The following TRAPPC9 variants were observed in gnomAD, a reference collection of about 807,000 sequenced individuals.
The protein encoded by TRAPPC9 is IKK2 binding protein.
TRAPPC9 carries 83 observed loss-of-function variants against 124.0 expected under a neutral mutation model. That is an observed-to-expected ratio of 0.67 (90% CI 0.56 to 0.80). The LOEUF is 0.80. TRAPPC9 is among the 30% of genes least tolerant of loss of function. The probability of loss-of-function intolerance (pLI) is 0.00; values close to 1 mark genes in which losing one functional copy is unlikely to be tolerated. For synonymous variants in TRAPPC9, 638 were observed against 617.5 expected (o/e 1.03, Z -0.49); for missense variants, 1,302 against 1,508.3 (o/e 0.86, Z 2.27).
intron 17 of TRAPPC9, chr8:140,040,761 T>C (rs372113726): frequency 1.3e-5 from 2 of 152,264 alleles, no homozygotes; most frequent in African/African-American, 4.8e-5. Context: ...GGAAGCCAAT[T>C]ATCATGACCT....
intron 9 of TRAPPC9, among the ~76,000 whole-genome samples, chr8:140,346,843 C>T (rs543921269): frequency 3.8e-4 from 58 of 152,334 alleles, no homozygotes; most frequent in African/African-American, 1.2e-3. Flanking sequence ...TCTCCTGCTT[C>T]CTAAAAGTGG....
rs570724960 is a variant in TRAPPC9, at chr8:140,359,025, C to A, written c.1495+1025G>T. Among the ~76,000 whole-genome samples, 8 of 152,304 alleles carry A rather than the reference C, an allele frequency of 5.3e-5. No homozygotes were observed. The South Asian group carries it at 1.7e-3, about 32-fold the overall frequency. On this transcript the variant is annotated intron_variant, in intron 9 of 22. Coordinates refer to ENST00000438773, the MANE Select transcript of TRAPPC9 (RefSeq NM_001160372.4). Reference sequence around the variant, plus strand: ...CTCCTTGCTGAAGAGAACCACATCACCCAGGGTAGACTGCATTCAACTGCT... The same window carrying A: ...CTCCTTGCTGAAGAGAACCACATCAACCAGGGTAGACTGCATTCAACTGCT...
chr8:139,997,438 T>C (rs1192179641), intron 18 of TRAPPC9, among the ~76,000 whole-genome samples: 1 of 146,170 alleles, frequency 6.8e-6, no homozygotes, highest in Non-Finnish European at 1.5e-5. Flanking sequence ...AGGAGAACAA[T>C]GCATCCCACA....
chr8:140,120,551 ACATC>A (rs757012774), intron 17 of TRAPPC9, among the ~76,000 whole-genome samples: 8 of 151,756 alleles, frequency 5.3e-5, no homozygotes, highest in South Asian at 2.1e-4. Context: ...CATCTATCCA[ACATC>A]CATCCATCCA....
intron 13 of TRAPPC9, 123 bp downstream of exon 13, chr8:140,287,485 G>T (rs949146725): frequency 3.0e-6 from 4 of 1,329,462 alleles, no homozygotes; most frequent in African/African-American, 2.9e-5. Context: ...AAGAGACAAG[G>T]TCTTCATTAT....
At position 140,097,423 on chromosome 8, in the gene TRAPPC9, C is replaced by G. The variant is rs1563758124; in HGVS notation, c.2557-73344G>C. The G allele has an allele frequency of 6.6e-6, 1 of 152,220 alleles. No individual in the cohort carries two copies. Among genetic ancestry groups the G allele is most frequent in the Non-Finnish European group, 1.5e-5 (1 of 68,082 alleles). The allele number at this position is 152,220 out of a possible 1,614,324, so 9.4% of individuals were successfully genotyped here. The stretch of plus-strand genomic sequence containing the variant: ...CCACAGTCCGTAGGGTAAGGACTCC[C>G]CCAGAGTAAGGACTCCCGCCTGAGT... On this transcript the variant is annotated intron_variant, in intron 17 of 22. Transcript: ENST00000438773. This position sits in a 1 kb window ranked among gnomAD's most constrained non-coding sequence, Gnocchi z 4.2.
chr8:140,174,813 A>G (rs1037186833), intron 17 of TRAPPC9, among the ~76,000 whole-genome samples: 1 of 152,216 alleles, frequency 6.6e-6, no homozygotes, highest in Non-Finnish European at 1.5e-5. Flanking sequence ...TCCATTCACC[A>G]GCTGACGGGC....
At chr8:139,977,707 G>C (rs2131642102) in intron 19 of TRAPPC9, among the ~76,000 whole-genome samples, 1 of 149,252 alleles carries the variant, frequency 6.7e-6, no homozygotes, top group Non-Finnish European at 1.5e-5. Flanking sequence ...TTGAGATGGA[G>C]TCTCACTCTG....
At chr8:139,867,386 A>C (rs996086056) in intron 21 of TRAPPC9, among the ~76,000 whole-genome samples, 2 of 152,226 alleles carry the variant, frequency 1.3e-5, no homozygotes, top group Non-Finnish European at 2.9e-5. Context: ...AAAATTGAAA[A>C]TGATGAATCC....
At position 139,991,535 on chromosome 8, in the gene TRAPPC9, G is replaced by A. The variant is rs185869130; in HGVS notation, c.2700-2699C>T. Among the ~76,000 whole-genome samples, 486 of 151,522 alleles carry A rather than the reference G, an allele frequency of 3.2e-3. 1 individual carries two copies. The highest frequency in any genetic ancestry group is 0.011 in the African/African-American group (460 of 41,386). On this transcript the variant is annotated intron_variant, in intron 18 of 22. Transcript: ENST00000438773. ...ATGGCTTTGGATGCTTGGTTTTAAG[G>A]CTGATGCTCTGAGCATATGGTTTAC...
chr8:139,930,310 G>A (rs1587252701), intron 19 of TRAPPC9, among the ~76,000 whole-genome samples: 1 of 152,232 alleles, frequency 6.6e-6, no homozygotes, highest in East Asian at 1.9e-4. Flanking sequence ...GAGTTGATGT[G>A]TAACGTGAAC....
At position 139,743,156 on chromosome 8, in the gene TRAPPC9, C is replaced by T. The variant is rs189578021; in HGVS notation, c.3056-10954G>A. ...AGTCCTGTGTAAATTACAGTGACAG[C>T]GGAATGATCTGTGGATTTCTTGTCC... On this transcript the variant is annotated intron_variant, in intron 21 of 22. Coordinates refer to ENST00000438773, the MANE Select transcript of TRAPPC9 (RefSeq NM_001160372.4). Among the ~76,000 whole-genome samples, 15 of 152,260 alleles carry T rather than the reference C, an allele frequency of 9.9e-5. No individual in the cohort carries two copies. In the East Asian group the frequency reaches 2.5e-3, roughly 25 times the overall value.
At chr8:140,451,608 C>T (rs1309930213) in intron 1 of TRAPPC9, among the ~76,000 whole-genome samples, 1 of 152,204 alleles carries the variant, frequency 6.6e-6, no homozygotes, top group Non-Finnish European at 1.5e-5. Flanking sequence ...GGAGCTTCTA[C>T]AGAAATGGGG....
chr8:140,383,082 A>G (rs955999036), intron 7 of TRAPPC9, among the ~76,000 whole-genome samples: 1 of 152,364 alleles, frequency 6.6e-6, no homozygotes, highest in African/African-American at 2.4e-5. Context: ...GCAAACTCCA[A>G]CAGACCTGCA....
intron 9 of TRAPPC9, among the ~76,000 whole-genome samples, chr8:140,324,489 G>T (rs2066687215): frequency 6.6e-6 from 1 of 152,190 alleles, no homozygotes. Flanking sequence ...AAATAAAAGA[G>T]GCCAAGCATC....
chr8:139,955,684 T>A (rs117450024), intron 19 of TRAPPC9, among the ~76,000 whole-genome samples: 7 of 152,300 alleles, frequency 4.6e-5, no homozygotes, highest in Non-Finnish European at 1.0e-4. Flanking sequence ...AGTGGGAATG[T>A]GGGTCAGGAC....
intron 17 of TRAPPC9, among the ~76,000 whole-genome samples, chr8:140,169,422 C>T (rs2061917904): frequency 1.3e-5 from 2 of 152,144 alleles, no homozygotes; most frequent in Non-Finnish European, 1.5e-5. Context: ...AGCAATTCCA[C>T]GGAGAGGTAC....
intron 16 of TRAPPC9, among the ~76,000 whole-genome samples, chr8:140,247,668 T>C (rs1016402429): frequency 2.0e-5 from 3 of 152,196 alleles, no homozygotes; most frequent in African/African-American, 7.2e-5. Flanking sequence ...GATATATGTA[T>C]GTATATATGT....
At chr8:139,924,257 T>C (rs1165778091) in intron 19 of TRAPPC9, among the ~76,000 whole-genome samples, 4 of 152,138 alleles carry the variant, frequency 2.6e-5, no homozygotes, top group African/African-American at 4.8e-5. Flanking sequence ...ACGGTGAGGT[T>C]TGAAAAGCCG....
Sources: gnomAD v4.1 joint callset for allele counts (sites outside exome capture counted in the v4.1 genomes callset) on GRCh38, gnomAD v4.1.1 for gene constraint, Gnocchi (gnomAD v3.1) non-coding constraint, MANE v1.5 for transcripts, NCBI Gene and HGNC (gene_info 2026-07-23, HGNC 2026-07-21) for gene names.